Variants in LRRN1 observed in about 807,000 individuals in gnomAD.
LRRN1 encodes the protein leucine-rich repeat neuronal protein 1.
In LRRN1, 14 loss-of-function variants were observed where a neutral mutation model predicts 45.8. That is an observed-to-expected ratio of 0.31 (90% CI 0.20 to 0.48). LRRN1 has a LOEUF of 0.48. LRRN1 is among the 20% of genes least tolerant of loss of function. The pLI is 0.99. For missense variants in LRRN1, 789 were observed against 874.2 expected (o/e 0.90, Z 1.23); for synonymous variants, 359 against 330.1 (o/e 1.09, Z -0.95).
At chr3:3,841,809 C>G (rs774915092) in intron 1 of LRRN1, among the ~76,000 whole-genome samples, 2 of 152,160 alleles carry the variant, frequency 1.3e-5, no homozygotes, top group African/African-American at 4.8e-5. Flanking sequence ...TGAGCCACCG[C>G]GCCCGGCCTG....
intron 1 of LRRN1, among the ~76,000 whole-genome samples, chr3:3,803,707 A>G (rs1692701686): frequency 6.6e-6 from 1 of 152,178 alleles, no homozygotes; most frequent in Admixed American, 6.5e-5. Flanking sequence ...AAAAACATTT[A>G]TTCTCTCTTG....
intron 1 of LRRN1, among the ~76,000 whole-genome samples, chr3:3,830,595 G>A (rs1376529274): frequency 6.6e-6 from 1 of 152,194 alleles, no homozygotes; most frequent in African/African-American, 2.4e-5. Flanking sequence ...TGATCATAGG[G>A]AACTCCCCAT....
At chr3:3,824,229 CTT>C (rs1693168513) in intron 1 of LRRN1, among the ~76,000 whole-genome samples, 1 of 152,128 alleles carries the variant, frequency 6.6e-6, no homozygotes, top group Non-Finnish European at 1.5e-5. Flanking sequence ...AGTACATAGT[CTT>C]TTATTAAAGT....
intron 1 of LRRN1, among the ~76,000 whole-genome samples, chr3:3,841,665 C>T (rs985209779): frequency 2.6e-5 from 4 of 151,950 alleles, no homozygotes; most frequent in African/African-American, 4.8e-5. Flanking sequence ...ATTACAGGCA[C>T]GTACCACCAC....
At position 3,832,866 on chromosome 3, in the gene LRRN1, CT is replaced by C. The variant is rs1408669242; in HGVS notation, c.-278-11497del. On this transcript the variant is annotated intron_variant, in intron 1 of 1. Transcript: ENST00000319331. The stretch of plus-strand genomic sequence containing the variant: ...AGTAGGCTTCCTATCAATTTCACTT[CT>C]AGGAACACCGTGATTAATTAGCCAA... 3.3e-5 allele frequency among the ~76,000 whole-genome samples: 5 copies of C among 152,120 alleles called. No individual in the cohort carries two copies. The South Asian group carries it at 8.3e-4, about 25-fold the overall frequency.
At chr3:3,839,878 TG>T (rs1693609387) in intron 1 of LRRN1, among the ~76,000 whole-genome samples, 1 of 152,166 alleles carries the variant, frequency 6.6e-6, no homozygotes. Context: ...GTGGGTTTTT[TG>T]TGGGATCTTT....
rs1361970947 is a variant in LRRN1, at chr3:3,846,544, G to T, written c.1903G>T (p.Val635Leu). The T allele has an allele frequency of 1.2e-6, 2 of 1,614,184 alleles. No individual in the cohort carries two copies. The highest frequency in any genetic ancestry group is 3.3e-5 in the Admixed American group (2 of 60,020). Residue 635 changes from valine (V) to leucine (L), a missense_variant, in exon 2 of 2, where the codon GTA (valine) becomes TTA (leucine). By Grantham distance (32) the Val-to-Leu change is conservative. Coordinates refer to ENST00000319331, the MANE Select transcript of LRRN1 (RefSeq NM_020873.7). The surrounding 1 kb of genome is among the most constrained non-coding windows in gnomAD (Gnocchi z 5.7). ...DQETSTALAA[V>L]MGSMFAVISL... is the part of the protein sequence containing the mutation. ...AGAAACCAGTACAGCCCTTGCTGCA[G>T]TAATGGGGTCTATGTTTGCCGTCAT...
At chr3:3,836,768 G>A (rs1479618887) in intron 1 of LRRN1, among the ~76,000 whole-genome samples, 2 of 152,258 alleles carry the variant, frequency 1.3e-5, no homozygotes, top group East Asian at 1.9e-4. Context: ...AATTTTAGGG[G>A]TAGTAGCAAA....
chr3:3,828,135 TA>T (rs1693268589), intron 1 of LRRN1, among the ~76,000 whole-genome samples: 2 of 2,576 alleles, frequency 7.8e-4, no homozygotes, highest in East Asian at 0.028. Flanking sequence ...GACAGAATTA[TA>T]TATATATATA....
At chr3:3,801,519 A>G (rs1015048136) in intron 1 of LRRN1, among the ~76,000 whole-genome samples, 1 of 152,162 alleles carries the variant, frequency 6.6e-6, no homozygotes, top group African/African-American at 2.4e-5. Flanking sequence ...CCAGGGCCAT[A>G]TGTGTCCCGA....
intron 1 of LRRN1, among the ~76,000 whole-genome samples, chr3:3,830,754 A>G (rs1164527817): frequency 7.2e-5 from 11 of 152,130 alleles, no homozygotes. Context: ...TTGATGATGG[A>G]ATGCTGCTGT....
chr3:3,801,527 C>G (rs1403420627), intron 1 of LRRN1, among the ~76,000 whole-genome samples: 1 of 152,092 alleles, frequency 6.6e-6, no homozygotes, highest in Non-Finnish European at 1.5e-5. Flanking sequence ...ATATGTGTCC[C>G]GAAGTCTCTG....
chr3:3,845,093 A>G lies in LRRN1; in HGVS notation c.452A>G (p.Asn151Ser). Residue 151 changes from asparagine (N) to serine (S), a missense_variant, in exon 2 of 2, where the codon AAC (asparagine) becomes AGC (serine). Transcript: ENST00000319331. The surrounding 1 kb of genome is among the most constrained non-coding windows in gnomAD (Gnocchi z 6.5). ...DLSNLQELYI[N>S]HNQISTISAH... The stretch of plus-strand genomic sequence containing the variant: ...AGCAACCTTCAAGAACTCTACATCA[A>G]CCACAACCAAATTAGCACTATTTCT... 6.2e-7 allele frequency: 1 copy of G among 1,614,164 alleles called. No individual in the cohort carries two copies. The highest frequency in any genetic ancestry group is 8.5e-7 in the Non-Finnish European group (1 of 1,180,022).
At chr3:3,828,995 T>TC (rs1693301360) in intron 1 of LRRN1, among the ~76,000 whole-genome samples, 1 of 151,376 alleles carries the variant, frequency 6.6e-6, no homozygotes, top group Non-Finnish European at 1.5e-5. Context: ...TTCTTTCTTT[T>TC]TTTTTTTTTT....
rs928047157 is a variant in LRRN1 at position 3,807,016 on chromosome 3, C to T, written c.-279+7097C>T. ...ACTCAGATGGTAGCAGCTTCCTAGA[C>T]CGTGGAGTCCTAACAGGTAACAAGC... On this transcript the variant is annotated intron_variant, in intron 1 of 1. Transcript: ENST00000319331. Among the ~76,000 whole-genome samples, 30 of 152,176 alleles carry T rather than the reference C, an allele frequency of 2.0e-4. 1 individual carries two copies. Among genetic ancestry groups the T allele is most frequent in the Non-Finnish European group, 1.0e-4 (7 of 68,036 alleles).
intron 1 of LRRN1, chr3:3,800,785 G>C (rs1356459161): frequency 6.5e-6 from 1 of 152,954 alleles, no homozygotes; most frequent in East Asian, 1.9e-4. Context: ...GCCTCAGGAC[G>C]TTTGCCAGGT....
chr3:3,806,297 TGGG>T (rs1692757131), intron 1 of LRRN1, among the ~76,000 whole-genome samples: 1 of 152,106 alleles, frequency 6.6e-6, no homozygotes, highest in Non-Finnish European at 1.5e-5. Flanking sequence ...GCTATGATGG[TGGG>T]AGTGCAGGCT....
rs372941472 is a variant in LRRN1, at chr3:3,845,186, T to C, written c.545T>C (p.Ile182Thr). 5.0e-6 allele frequency: 8 copies of C among 1,614,212 alleles called. No homozygotes were observed. The highest frequency in any genetic ancestry group is 1.7e-5 in the Admixed American group (1 of 60,024). Residue 182 changes from isoleucine to threonine, a missense_variant, in exon 2 of 2, where the codon ATT (isoleucine) becomes ACT (threonine). Transcript: ENST00000319331. This position sits in a 1 kb window ranked among gnomAD's most constrained non-coding sequence, Gnocchi z 6.5. ...CTGAACTCCAACAAATTGAAAGTTATTGATAGTCGCTGGTTTGATTCTACA... is the reference window on the plus strand; with the variant it reads ...CTGAACTCCAACAAATTGAAAGTTACTGATAGTCGCTGGTTTGATTCTACA... ...LHLNSNKLKV[I>T]DSRWFDSTPN...
intron 1 of LRRN1, among the ~76,000 whole-genome samples, chr3:3,821,568 A>T (rs1262923929): frequency 6.6e-6 from 1 of 152,108 alleles, no homozygotes. Context: ...GCAAACACTG[A>T]ATGTATTTTT....
Sources: gnomAD v4.1 joint callset for allele counts (sites outside exome capture counted in the v4.1 genomes callset) on GRCh38, gnomAD v4.1.1 for gene constraint, Gnocchi (gnomAD v3.1) non-coding constraint, MANE v1.5 for transcripts, NCBI Gene and HGNC (gene_info 2026-07-23, HGNC 2026-07-21) for gene names.